DIAPH3: variants seen among roughly 807,000 people sequenced by gnomAD.
DIAPH3 encodes the protein protein diaphanous homolog 3.
A neutral mutation model predicts 144.3 loss-of-function variants in DIAPH3; 117 were observed. That is an observed-to-expected ratio of 0.81 (90% CI 0.70 to 0.95). The LOEUF (loss-of-function observed/expected upper bound fraction) is 0.95, where lower values mean the gene tolerates loss of function less well. Among genes scored for constraint, DIAPH3 ranks in the 40% least tolerant of loss-of-function variants. DIAPH3 has a pLI of 0.00. For missense variants in DIAPH3, 1,421 were observed against 1,412.7 expected, an observed-to-expected ratio of 1.01 and a Z score of -0.09; for synonymous variants, 519 against 488.9, an observed-to-expected ratio of 1.06 and a Z score of -0.81.
rs181346511 is a variant in DIAPH3 at position 59,680,613 on chromosome 13, A to T, written c.3320-13767T>A. On this transcript the variant is annotated intron_variant, in intron 27 of 27. Transcript: ENST00000400324. ...CAATGAAAATGCAGCTATAAGCTAT[A>T]GCCACTAGAGGTCAGACGGCTACAC... 2.6e-5 allele frequency among the ~76,000 whole-genome samples: 4 copies of T among 151,706 alleles called. No individual in the cohort carries two copies. The East Asian group carries it at 7.7e-4, about 29-fold the overall frequency.
chr13:59,748,397 A>G (rs1369825857), intron 27 of DIAPH3, among the ~76,000 whole-genome samples: 1 of 152,244 alleles, frequency 6.6e-6, no homozygotes, highest in Non-Finnish European at 1.5e-5. Flanking sequence ...ACTCTCTGCC[A>G]AGAAAAAAAT....
At chr13:59,784,591 G>T (rs1480747004) in intron 25 of DIAPH3, among the ~76,000 whole-genome samples, 1 of 149,570 alleles carries the variant, frequency 6.7e-6, no homozygotes, top group Non-Finnish European at 1.5e-5. Flanking sequence ...TGCCCAGGCT[G>T]GTCTTGAACT....
chr13:59,851,264 C>G (rs1307732703), intron 22 of DIAPH3, among the ~76,000 whole-genome samples: 1 of 152,204 alleles, frequency 6.6e-6, no homozygotes, highest in South Asian at 2.1e-4. Context: ...TGCTCCCCCT[C>G]TCTCCCTCTG....
chr13:60,068,999 C>G (rs1310688868), intron 4 of DIAPH3, among the ~76,000 whole-genome samples: 3 of 152,070 alleles, frequency 2.0e-5, no homozygotes, highest in Admixed American at 2.0e-4. Flanking sequence ...TGGGTATATA[C>G]TCAGTAATGG....
intron 4 of DIAPH3, among the ~76,000 whole-genome samples, chr13:60,086,784 C>G (rs138319963): frequency 1.8e-3 from 268 of 152,208 alleles, no homozygotes; most frequent in African/African-American, 6.0e-3. Context: ...GAAACTGTAA[C>G]TGAAAGCAAG....
chr13:59,932,574 A>G lies in DIAPH3; in HGVS notation c.2075-7704T>C, dbSNP rs545172923. 3.3e-5 allele frequency among the ~76,000 whole-genome samples: 5 copies of G among 152,326 alleles called. No individual in the cohort carries two copies. In the East Asian group the frequency reaches 9.6e-4, roughly 29 times the overall value. On this transcript the variant is annotated intron_variant, in intron 17 of 27. Transcript: ENST00000400324. ...AAATACAAGCAACCTTCACCACTTC[A>G]ACCTCCAAATAAGACACTGATATAA...
Position 60,015,951 on chromosome 13 carries a change from T to C in DIAPH3, c.733A>G (p.Lys245Glu), listed in dbSNP as rs2053613264. The C allele has an allele frequency of 6.2e-7, 1 of 1,613,520 alleles. No homozygotes were observed. Among genetic ancestry groups the C allele is most frequent in the Non-Finnish European group, 8.5e-7 (1 of 1,179,814 alleles). The change falls in exon 7 of 28, where the codon AAA (lysine) becomes GAA (glutamate). Residue 245 changes from lysine to glutamate, a missense_variant. By Grantham distance (56) the Lys-to-Glu change is moderately conservative. Transcript: ENST00000400324. Reference protein sequence around the residue: ...QEKVVKKNQHKVIQCLKALMN... With the variant: ...QEKVVKKNQHEVIQCLKALMN... The stretch of plus-strand genomic sequence containing the variant: ...AGGGCTTTTAGACACTGTATGACTT[T>C]ATGTTGATTTTTCTTTACAACTTTT...
chr13:59,961,539 T>G (rs1440092089), intron 17 of DIAPH3, among the ~76,000 whole-genome samples: 1 of 152,200 alleles, frequency 6.6e-6, no homozygotes, highest in Non-Finnish European at 1.5e-5. Flanking sequence ...TTTTAAAGCC[T>G]TTAATATACA....
At chr13:59,730,239 T>A (rs1367672573) in intron 27 of DIAPH3, among the ~76,000 whole-genome samples, 2 of 152,212 alleles carry the variant, frequency 1.3e-5, no homozygotes, top group African/African-American at 2.4e-5. Flanking sequence ...CATTCTTCAA[T>A]TCCCCTCAGG....
chr13:60,005,585 A>G (rs1416467100), intron 9 of DIAPH3, among the ~76,000 whole-genome samples: 15 of 152,044 alleles, frequency 9.9e-5, no homozygotes, highest in Admixed American at 9.8e-4. Flanking sequence ...GGTTCACACC[A>G]TTCTCCTGCC....
chr13:60,137,976 G>A (rs985404408), intron 1 of DIAPH3, among the ~76,000 whole-genome samples: 4 of 151,846 alleles, frequency 2.6e-5, no homozygotes, highest in Middle Eastern at 3.2e-3. Flanking sequence ...CTCCCACCTC[G>A]GCCTCCCAAA....
intron 22 of DIAPH3, among the ~76,000 whole-genome samples, chr13:59,850,606 A>C (rs1038047531): frequency 9.9e-5 from 15 of 151,178 alleles, no homozygotes; most frequent in African/African-American, 3.2e-4. Context: ...GGCTCTGTTT[A>C]TATGCTGGAT....
intron 4 of DIAPH3, among the ~76,000 whole-genome samples, chr13:60,078,642 AAG>A (rs2057452103): frequency 1.3e-5 from 2 of 152,056 alleles, no homozygotes; most frequent in Admixed American, 1.3e-4. Flanking sequence ...ATAAAAATTA[AAG>A]AGAGACCAAA....
chr13:60,145,636 G>A (rs563954820), intron 1 of DIAPH3, among the ~76,000 whole-genome samples: 4 of 152,314 alleles, frequency 2.6e-5, no homozygotes, highest in South Asian at 4.1e-4. Context: ...GTGACAGAGC[G>A]AGACTCCGTC....
chr13:60,044,417 T>C (rs1290155020), intron 4 of DIAPH3: 2 of 152,204 alleles, frequency 1.3e-5, no homozygotes, highest in Admixed American at 6.5e-5. Flanking sequence ...AAGAATTCAA[T>C]GGTACAATCT....
intron 27 of DIAPH3, among the ~76,000 whole-genome samples, chr13:59,751,483 G>A (rs1048507184): frequency 6.6e-6 from 1 of 152,128 alleles, no homozygotes; most frequent in African/African-American, 2.4e-5. Flanking sequence ...AACACCTTAA[G>A]AGGCAGCCTT....
intron 1 of DIAPH3, among the ~76,000 whole-genome samples, chr13:60,158,290 C>A (rs967141777): frequency 1.3e-5 from 2 of 152,204 alleles, no homozygotes; most frequent in Non-Finnish European, 2.9e-5. Flanking sequence ...GCAAAGACAT[C>A]TTTCTCAGAA....
intron 1 of DIAPH3, among the ~76,000 whole-genome samples, chr13:60,135,019 G>C (rs1176542806): frequency 6.6e-6 from 1 of 152,000 alleles, no homozygotes; most frequent in Non-Finnish European, 1.5e-5. Flanking sequence ...CTACATAAAA[G>C]ATACAGAAAG....
chr13:59,868,499 T>C (rs1352495104), intron 21 of DIAPH3, among the ~76,000 whole-genome samples: 4 of 152,144 alleles, frequency 2.6e-5, no homozygotes, highest in Admixed American at 6.6e-5. Context: ...CACACACAAA[T>C]TATCCTGTTG....
Sources: allele counts gnomAD v4.1 joint callset (sites outside exome capture counted in the v4.1 genomes callset), GRCh38; gene constraint gnomAD v4.1.1; transcripts MANE v1.5; gene names NCBI Gene and HGNC (gene_info 2026-07-23, HGNC 2026-07-21).